The following PSD3 variants were observed in gnomAD, a reference collection of about 807,000 sequenced individuals.
PSD3 encodes pleckstrin and Sec7 domain containing 3.
Under a neutral mutation model 105.5 loss-of-function variants are expected in PSD3, and 49 were observed. That is an observed-to-expected ratio of 0.46 (90% CI 0.37 to 0.59). PSD3 has a LOEUF of 0.59. PSD3 is among the 20% of genes least tolerant of loss of function. The pLI is 0.00. For missense variants in PSD3, 1,561 were observed against 1,263.8 expected, an observed-to-expected ratio of 1.24 and a Z score of -3.57; for synonymous variants, 557 against 457.8, an observed-to-expected ratio of 1.22 and a Z score of -2.77.
At chr8:19,036,791 T>G (rs1327330142) in intron 1 of PSD3, among the ~76,000 whole-genome samples, 1 of 152,220 alleles carries the variant, frequency 6.6e-6, no homozygotes, top group African/African-American at 2.4e-5. Flanking sequence ...TGTCCTCTTG[T>G]ACGTGGTGGT....
intron 15 of PSD3, among the ~76,000 whole-genome samples, chr8:18,543,912 C>T (rs1163852646): frequency 6.6e-6 from 1 of 152,064 alleles, no homozygotes; most frequent in Non-Finnish European, 1.5e-5. Flanking sequence ...CTTTTGACCT[C>T]TGATACATGA....
rs1456596451 is a variant in PSD3 at position 18,872,251 on chromosome 8, T to C, written c.613A>G (p.Thr205Ala). ...PEIPLSAEVT[T>A]EESFYLSIQK... is the part of the protein sequence containing the mutation. ...ATGCTCAAATAAAAACTTTCCTCCG[T>C]TGTTACTTCAGCTGAAAGAGGTATT... The change falls in exon 3 of 16, where the codon ACG becomes GCG. Residue 205 changes from threonine to alanine, a missense_variant. Coordinates refer to ENST00000327040, the MANE Select transcript of PSD3 (RefSeq NM_015310.4). The C allele has an allele frequency of 6.2e-7, 1 of 1,614,222 alleles. No homozygotes were observed. The highest frequency in any genetic ancestry group is 1.1e-5 in the South Asian group (1 of 91,090).
intron 9 of PSD3, among the ~76,000 whole-genome samples, chr8:18,755,429 C>CCATAACATAACATAACAT (rs1554490327): frequency 7.3e-6 from 1 of 136,786 alleles, no homozygotes; most frequent in African/African-American, 2.7e-5. Flanking sequence ...GACCCTGTCT[C>CCATAACATAACATAACAT]AACATAACAT....
At chr8:18,602,541 G>C (rs1804510773) in intron 11 of PSD3, among the ~76,000 whole-genome samples, 1 of 152,032 alleles carries the variant, frequency 6.6e-6, no homozygotes. Context: ...GATAACTAGG[G>C]AGCAATTATT....
At chr8:18,658,708 A>C (rs1809085003) in intron 9 of PSD3, among the ~76,000 whole-genome samples, 1 of 152,054 alleles carries the variant, frequency 6.6e-6, no homozygotes, top group South Asian at 2.1e-4. Context: ...TCTCCGTATG[A>C]AAATCCTACA....
chr8:18,974,711 C>A (rs1435951818), intron 1 of PSD3, among the ~76,000 whole-genome samples: 1 of 150,042 alleles, frequency 6.7e-6, no homozygotes, highest in Non-Finnish European at 1.5e-5. Flanking sequence ...GGCAGGGGAA[C>A]AGGGGTGGAG....
intron 10 of PSD3, among the ~76,000 whole-genome samples, chr8:18,635,757 C>T (rs2130780858): frequency 6.6e-6 from 1 of 152,134 alleles, no homozygotes; most frequent in South Asian, 2.1e-4. Context: ...AGCTGGAAAC[C>T]ATCATTCTCA....
chr8:18,853,767 T>C (rs1175671580), intron 4 of PSD3, among the ~76,000 whole-genome samples: 1 of 152,128 alleles, frequency 6.6e-6, no homozygotes, highest in Non-Finnish European at 1.5e-5. Flanking sequence ...ACAGCCTGGA[T>C]GAAGTTTCAC....
intron 12 of PSD3, among the ~76,000 whole-genome samples, chr8:18,581,735 G>C (rs150492632): frequency 1.3e-5 from 2 of 152,208 alleles, no homozygotes; most frequent in African/African-American, 4.8e-5. Flanking sequence ...GCATAATACT[G>C]GTCTTCTCAT....
chr8:19,031,463 G>C (rs369721729), intron 1 of PSD3, among the ~76,000 whole-genome samples: 1 of 150,628 alleles, frequency 6.6e-6, no homozygotes, highest in East Asian at 1.9e-4. Flanking sequence ...AAATCACATA[G>C]GGAACAGAGT....
At position 18,814,035 on chromosome 8, in the gene PSD3, C is replaced by T. The variant is rs148343843; in HGVS notation, c.1635-9137G>A. On this transcript the variant is annotated intron_variant, in intron 4 of 15. Coordinates refer to ENST00000327040, the MANE Select transcript of PSD3 (RefSeq NM_015310.4). Reference sequence around the variant, plus strand: ...TAGCGCTCAGTAGGAATACTTAGGACAAACGTCTCAAATGAACCTGTTTTC... The same window carrying T: ...TAGCGCTCAGTAGGAATACTTAGGATAAACGTCTCAAATGAACCTGTTTTC... 2.0e-3 allele frequency among the ~76,000 whole-genome samples: 309 copies of T among 152,330 alleles called. 1 individual carries two copies. Among genetic ancestry groups the T allele is most frequent in the African/African-American group, 6.8e-3 (282 of 41,574 alleles).
At chr8:18,985,916 CATTTT>C (rs1228286825) in intron 1 of PSD3, among the ~76,000 whole-genome samples, 1 of 151,716 alleles carries the variant, frequency 6.6e-6, no homozygotes, top group Non-Finnish European at 1.5e-5. Context: ...ATTATAATTA[CATTTT>C]ATTATTATAG....
intron 9 of PSD3, among the ~76,000 whole-genome samples, chr8:18,716,704 T>C (rs947887204): frequency 6.6e-6 from 1 of 152,222 alleles, no homozygotes; most frequent in African/African-American, 2.4e-5. Flanking sequence ...CTGAATAACC[T>C]TTCTTAATAG....
intron 1 of PSD3, among the ~76,000 whole-genome samples, chr8:18,969,666 T>C (rs1378890724): frequency 2.0e-5 from 3 of 152,234 alleles, no homozygotes; most frequent in Admixed American, 2.0e-4. Flanking sequence ...AATTACTATA[T>C]GGGATGTTTC....
chr8:18,658,587 G>C (rs1457947143), intron 9 of PSD3, among the ~76,000 whole-genome samples: 1 of 141,900 alleles, frequency 7.0e-6, no homozygotes, highest in Non-Finnish European at 1.6e-5. Flanking sequence ...CAGTGGTGCA[G>C]TCATAGCTCA....
Position 18,556,248 on chromosome 8 carries a change from G to A in PSD3, c.2889C>T (p.Val963=). ...PPDKKVKAKD[V]DEYKLKDHYL... ...AGTGGTCTTTCAGTTTGTACTCATC[G>A]ACGTCCTTGGCTTTGACCTTCTTGT... is the stretch of plus-strand genomic sequence containing the variant. Residue 963 remains valine (V), a synonymous_variant, in exon 15 of 16, where the codon GTC becomes GTT. Coordinates refer to ENST00000327040, the MANE Select transcript of PSD3 (RefSeq NM_015310.4). 2.5e-6 allele frequency: 4 copies of A among 1,614,014 alleles called. No homozygotes were observed. The highest frequency in any genetic ancestry group is 3.4e-6 in the Non-Finnish European group (4 of 1,179,966).
intron 9 of PSD3, among the ~76,000 whole-genome samples, chr8:18,741,018 A>G (rs1804530773): frequency 6.6e-6 from 1 of 152,232 alleles, no homozygotes. Flanking sequence ...TGAAGGAATG[A>G]AAGGGAGAAA....
intron 9 of PSD3, among the ~76,000 whole-genome samples, chr8:18,673,988 A>T (rs1799933745): frequency 6.6e-6 from 1 of 152,072 alleles, no homozygotes; most frequent in Non-Finnish European, 1.5e-5. Context: ...CAAAAAAATT[A>T]AAAAATGAGC....
chr8:18,870,049 A>C (rs954869697), intron 3 of PSD3, among the ~76,000 whole-genome samples: 1 of 152,166 alleles, frequency 6.6e-6, no homozygotes, highest in Admixed American at 6.5e-5. Flanking sequence ...CACATGCCAC[A>C]TATCAAGGCC....
Sources: gnomAD v4.1 joint callset for allele counts (sites outside exome capture counted in the v4.1 genomes callset) on GRCh38, gnomAD v4.1.1 for gene constraint, MANE v1.5 for transcripts, NCBI Gene and HGNC (gene_info 2026-07-23, HGNC 2026-07-21) for gene names.